Variants in BDP1 observed in about 807,000 individuals in gnomAD.
BDP1 encodes BDP1 general transcription factor IIIB subunit, also known as transcription factor TFIIIB component B'' homolog.
Under a neutral mutation model 266.6 loss-of-function variants are expected in BDP1, and 169 were observed. That is an observed-to-expected ratio of 0.63 (90% confidence interval 0.56 to 0.72). BDP1 has a LOEUF of 0.72. Ranked by LOEUF, BDP1 falls within the 30% of genes least tolerant of loss-of-function variation. The probability of loss-of-function intolerance (pLI) is 0.00; values close to 1 mark genes in which losing one functional copy is unlikely to be tolerated. For synonymous variants in BDP1, 1,090 were observed against 1,022.4 expected, an observed-to-expected ratio of 1.07 and a Z score of -1.26; for missense variants, 3,015 against 3,053.8, an observed-to-expected ratio of 0.99 and a Z score of 0.30.
chr5:71,484,005 G>GC lies in BDP1; in HGVS notation c.1069+110dup, dbSNP rs1270066187. On this transcript the variant is annotated intron_variant, in intron 8 of 38. Coordinates refer to ENST00000358731, the MANE Select transcript of BDP1 (RefSeq NM_018429.3). ...TTAGATTTGTTTTGTTCCTGTATTG[G>GC]CATTAAGAGGAAGCAGTCTGAAATT... is the stretch of plus-strand genomic sequence containing the variant. 4.6e-6 allele frequency: 4 copies of GC among 866,710 alleles called. No homozygotes were observed. The East Asian group carries it at 1.0e-4, about 22-fold the overall frequency. 53.7% of individuals were successfully genotyped at this position (866,710 alleles called of 1,614,324 possible).
At chr5:71,502,835 A>C (rs781662356) in intron 15 of BDP1, 44 bp downstream of exon 15, 2 of 1,458,940 alleles carry the variant, frequency 1.4e-6, no homozygotes, top group Non-Finnish European at 9.5e-7. Flanking sequence ...AAGCAAGTAC[A>C]TGAGCCTTAA....
the BDP1 span, among the ~76,000 whole-genome samples, chr5:71,575,469 C>T: frequency 1.2e-4 from 19 of 152,288 alleles, no homozygotes; most frequent in Admixed American, 1.1e-3. Context: ...GTCAGTTAGC[C>T]CCTGGAATTC....
chr5:71,460,274 G>A (rs1205381653), intron 2 of BDP1, among the ~76,000 whole-genome samples: 1 of 152,224 alleles, frequency 6.6e-6, no homozygotes, highest in African/African-American at 2.4e-5. Context: ...CAGCTACTCA[G>A]GAGGCTGAGA....
At chr5:71,544,152 C>T (rs918031510) in intron 30 of BDP1, among the ~76,000 whole-genome samples, 4 of 152,114 alleles carry the variant, frequency 2.6e-5, no homozygotes, top group African/African-American at 7.2e-5. Context: ...TTTTGTAGAA[C>T]AGGATTTATT....
In BDP1 at chr5:71,565,845, CATT is replaced by C. The variant is rs1473340897; in HGVS notation, c.*962_*964del. On this transcript the variant is annotated 3_prime_UTR_variant, in exon 39 of 39. Coordinates refer to ENST00000358731, the MANE Select transcript of BDP1 (RefSeq NM_018429.3). ...ATTTTTCTAATTCATGGTGATGTAA[CATT>C]AGTCCTAATTGAAAAACTAGTATTT... The C allele has an allele frequency of 6.5e-6, 1 of 153,144 alleles. No homozygotes were observed. The highest frequency in any genetic ancestry group is 1.5e-5 in the Non-Finnish European group (1 of 68,632). 9.5% of individuals were successfully genotyped at this position (153,144 alleles called of 1,614,324 possible).
chr5:71,531,830 T>A (rs1766263750), intron 25 of BDP1, among the ~76,000 whole-genome samples: 1 of 152,204 alleles, frequency 6.6e-6, no homozygotes, highest in Non-Finnish European at 1.5e-5. Flanking sequence ...TCTAAGGGCT[T>A]TCAACTCATT....
At position 71,562,461 on chromosome 5, in the gene BDP1, C is replaced by T. The variant is rs1743744483; in HGVS notation, c.7684C>T (p.Leu2562Phe). The T allele has an allele frequency of 2.5e-6, 4 of 1,613,808 alleles. No individual in the cohort carries two copies. Among genetic ancestry groups the T allele is most frequent in the Admixed American group, 1.7e-5 (1 of 60,000 alleles). ...QEKNRESSDL[L>F]PSPSVITTQS... is the part of the protein sequence containing the mutation. ...AAAAAATCGAGAGTCCTCTGATCTG[C>T]TTCCATCTCCAAGTGTTATTACTAC... is the stretch of plus-strand genomic sequence containing the variant. Residue 2562 changes from leucine to phenylalanine, a missense_variant, in exon 38 of 39, where the codon CTT (leucine) becomes TTT (phenylalanine). Physicochemically the swap from Leu to Phe is conservative, Grantham distance 22. This residue lies in a region of BDP1 where 629 missense variants were observed against 632.5 expected (regional missense o/e 0.99). Transcript: ENST00000358731.
At position 71,458,562 on chromosome 5, in the gene BDP1, T is replaced by C; in HGVS notation, c.213-17T>C. 1 of 1,556,570 alleles carries C rather than the reference T, an allele frequency of 6.4e-7. No homozygotes were observed. Among genetic ancestry groups the C allele is most frequent in the Middle Eastern group, 1.7e-4 (1 of 5,774 alleles). The stretch of plus-strand genomic sequence containing the variant: ...GAAGATTCATGTGCCCTCTTTTTTC[T>C]TTTTTAATTTCAACAGTACTGAAAA... On this transcript the variant is annotated splice_polypyrimidine_tract_variant and intron_variant, in intron 1 of 38. Coordinates refer to ENST00000358731, the MANE Select transcript of BDP1 (RefSeq NM_018429.3).
chr5:71,535,734 T>C (rs1196251388), intron 26 of BDP1, among the ~76,000 whole-genome samples: 1 of 152,136 alleles, frequency 6.6e-6, no homozygotes. Flanking sequence ...CTTCTGGTGG[T>C]AGCCGGCAGT....
At position 71,510,144 on chromosome 5, in the gene BDP1, G is replaced by A; in HGVS notation, c.3052G>A (p.Glu1018Lys). ...GACAGATTTGAACGCAACTGGAAGAGAGAGTTCTCCAAGGGAGAAGACACC... is the reference window on the plus strand; with the variant it reads ...GACAGATTTGAACGCAACTGGAAGAAAGAGTTCTCCAAGGGAGAAGACACC... ...METDLNATGR[E>K]SSPREKTPEV... The change falls in exon 17 of 39, where the codon GAG (glutamate) becomes AAG (lysine). Residue 1018 changes from glutamate (E) to lysine (K), a missense_variant. By Grantham distance (56) the Glu-to-Lys change is moderately conservative. Around this residue, in one of 3 missense-constraint regions of BDP1, gnomAD observed 2,383 missense variants for 2,404.9 expected, o/e 0.99. Coordinates refer to ENST00000358731, the MANE Select transcript of BDP1 (RefSeq NM_018429.3). 6.2e-7 allele frequency: 1 copy of A among 1,614,078 alleles called. No homozygotes were observed. The highest frequency in any genetic ancestry group is 1.3e-5 in the African/African-American group (1 of 75,012).
chr5:71,525,519 G>A, intron 25 of BDP1, among the ~76,000 whole-genome samples: 1 of 137,000 alleles, frequency 7.3e-6, no homozygotes, highest in Non-Finnish European at 1.6e-5. Flanking sequence ...TCCCGGACGG[G>A]GCGGCTGGCC....
At chr5:71,522,635 G>T in intron 23 of BDP1, 121 bp from the exon 24 acceptor site, 1 of 1,193,152 alleles carries the variant, frequency 8.4e-7, no homozygotes, top group Non-Finnish European at 1.2e-6. Context: ...TGTTGTAAAA[G>T]ATGAGCAACC....
At chr5:71,557,542 G>A (rs1580221070) in intron 36 of BDP1, among the ~76,000 whole-genome samples, 1 of 151,854 alleles carries the variant, frequency 6.6e-6, no homozygotes, top group South Asian at 2.1e-4. Context: ...CTGCCACCAC[G>A]CCCAGCTAAT....
Position 71,470,416 on chromosome 5 carries a change from C to A in BDP1, c.941C>A (p.Ala314Asp). ...SNKETDMFFL[A>D]ISMVGTDFSM... is the part of the protein sequence containing the mutation. The stretch of plus-strand genomic sequence containing the variant: ...ACAGAAACAGATATGTTTTTTTTAG[C>A]CATCAGCATGGTAGGAACTGACTTT... The change falls in exon 7 of 39, where the codon GCC becomes GAC. Residue 314 changes from alanine (A) to aspartate (D), a missense_variant. Coordinates refer to ENST00000358731, the MANE Select transcript of BDP1 (RefSeq NM_018429.3). The A allele has an allele frequency of 6.2e-7, 1 of 1,605,974 alleles. No homozygotes were observed. Among genetic ancestry groups the A allele is most frequent in the Non-Finnish European group, 8.5e-7 (1 of 1,176,094 alleles).
At chr5:71,473,037 A>G (rs1762359471) in intron 7 of BDP1, among the ~76,000 whole-genome samples, 1 of 149,876 alleles carries the variant, frequency 6.7e-6, no homozygotes, top group African/African-American at 2.5e-5. Flanking sequence ...CACGTGCCAC[A>G]ATGCCCGGCT....
chr5:71,557,636 G>A lies in BDP1; in HGVS notation c.7240+711G>A, dbSNP rs545901709. Among the ~76,000 whole-genome samples, 12 of 80,788 alleles carry A rather than the reference G, an allele frequency of 1.5e-4. No individual in the cohort carries two copies. In the South Asian group the frequency reaches 4.7e-3, roughly 32 times the overall value. 53.0% of individuals were successfully genotyped at this position (80,788 alleles called of 152,430 possible). On this transcript the variant is annotated intron_variant, in intron 36 of 38. Coordinates refer to ENST00000358731, the MANE Select transcript of BDP1 (RefSeq NM_018429.3). ...CCTGACCTCGTGATCTGCCGGCCTC[G>A]AAATTTTTGTGTTTTTTGTAGAGAC...
At position 71,509,908 on chromosome 5, in the gene BDP1, C is replaced by T. The variant is rs761042629; in HGVS notation, c.2816C>T (p.Pro939Leu). 3.7e-6 allele frequency: 6 copies of T among 1,613,746 alleles called. No homozygotes were observed. In the South Asian group the frequency reaches 4.4e-5, roughly 12 times the overall value. The change falls in exon 17 of 39, where the codon CCA (proline) becomes CTA (leucine). Residue 939 changes from proline (P) to leucine (L), a missense_variant. This residue lies in a region of BDP1 where 2,383 missense variants were observed against 2,404.9 expected (regional missense o/e 0.99). Coordinates refer to ENST00000358731, the MANE Select transcript of BDP1 (RefSeq NM_018429.3). ...GAAGCTGGAAGAAGAGAAATATCCC[C>T]ACAGAAAAATGGCCCAGAGGAGGTT... Reference protein sequence around the residue: ...LEEAGRREISPQKNGPEEVKP... With the variant: ...LEEAGRREISLQKNGPEEVKP...
At position 71,564,898 on chromosome 5, in the gene BDP1, T is replaced by C. The variant is rs201063544; in HGVS notation, c.*13T>C. 6.3e-7 allele frequency: 1 copy of C among 1,575,470 alleles called. No individual in the cohort carries two copies. ...TGAAACAGAATAAAACAATCTTTTCTCTTTTTCTTTTTTAAATTAGGTCTA... is the reference window on the plus strand; with the variant it reads ...TGAAACAGAATAAAACAATCTTTTCCCTTTTTCTTTTTTAAATTAGGTCTA... On this transcript the variant is annotated 3_prime_UTR_variant, in exon 39 of 39. Transcript: ENST00000358731.
At chr5:71,544,086 T>C (rs1364636232) in intron 30 of BDP1, among the ~76,000 whole-genome samples, 1 of 152,220 alleles carries the variant, frequency 6.6e-6, no homozygotes, top group Non-Finnish European at 1.5e-5. Context: ...TTTCTAATTA[T>C]TGATGCTAGT....
Sources: allele counts gnomAD v4.1 joint callset (sites outside exome capture counted in the v4.1 genomes callset), GRCh38; gene constraint gnomAD v4.1.1; regional missense constraint gnomAD v4.1.1; transcripts MANE v1.5; gene names NCBI Gene and HGNC (gene_info 2026-07-23, HGNC 2026-07-21).